Variants in INPP5F observed in about 807,000 individuals in gnomAD.
INPP5F encodes the protein inositol polyphosphate-5-phosphatase F, also known as phosphatidylinositide 4-phosphatase SAC2.
In INPP5F, 97 loss-of-function variants were observed where a neutral mutation model predicts 137.2. That is an observed-to-expected ratio of 0.71 (90% CI 0.60 to 0.84). INPP5F has a LOEUF of 0.84. Among genes scored for constraint, INPP5F ranks in the 40% least tolerant of loss-of-function variants. The pLI, the probability that INPP5F is intolerant of heterozygous loss-of-function variation, is 0.00. For synonymous variants in INPP5F, 504 were observed against 476.9 expected, an observed-to-expected ratio of 1.06 and a Z score of -0.74; for missense variants, 1,271 against 1,371.9, an observed-to-expected ratio of 0.93 and a Z score of 1.16.
chr10:119,780,383 G>A (rs1261661245), intron 2 of INPP5F, among the ~76,000 whole-genome samples: 4 of 151,954 alleles, frequency 2.6e-5, no homozygotes, highest in Admixed American at 6.6e-5. Flanking sequence ...GAGACCAGCT[G>A]GGGCAACATG....
At chr10:119,806,274 T>G in intron 11 of INPP5F, 86 bp from the exon 12 acceptor site, 1 of 970,684 alleles carries the variant, frequency 1.0e-6, no homozygotes. Context: ...AGTGCTGCTG[T>G]TTTATTGATA....
chr10:119,740,544 CT>C (rs1564801507), intron 1 of INPP5F, among the ~76,000 whole-genome samples: 1 of 152,048 alleles, frequency 6.6e-6, no homozygotes, highest in Non-Finnish European at 1.5e-5. Flanking sequence ...TTCTTTCATA[CT>C]TTTTTCTTTT....
intron 1 of INPP5F, among the ~76,000 whole-genome samples, chr10:119,729,798 T>C (rs1554882468): frequency 6.6e-6 from 1 of 150,862 alleles, no homozygotes; most frequent in Non-Finnish European, 1.5e-5. Flanking sequence ...TGGCTCAGGC[T>C]GATCTTGGCC....
At chr10:119,770,756 A>G (rs1422828392) in intron 2 of INPP5F, among the ~76,000 whole-genome samples, 2 of 152,190 alleles carry the variant, frequency 1.3e-5, no homozygotes, top group African/African-American at 2.4e-5. Flanking sequence ...CTTGAACACT[A>G]TTCCAGACAC....
chr10:119,776,664 GTGTGTGTGTGTGTATGTGTGTT>G (rs1333287501), intron 2 of INPP5F, among the ~76,000 whole-genome samples: 1 of 150,704 alleles, frequency 6.6e-6, no homozygotes, highest in Non-Finnish European at 1.5e-5. Flanking sequence ...GCCTTCCTCT[GTGTGTGTGTGTGTATGTGTGTT>G]TGTGTGTGTG....
chr10:119,819,508 G>T (rs1256200435), intron 15 of INPP5F: 1 of 1,604,214 alleles, frequency 6.2e-7, no homozygotes, highest in Non-Finnish European at 8.5e-7. Context: ...AATTTTTATG[G>T]CTTGGCTCAA....
intron 2 of INPP5F, among the ~76,000 whole-genome samples, chr10:119,763,956 C>T (rs1363319436): frequency 2.0e-5 from 3 of 152,210 alleles, no homozygotes; most frequent in East Asian, 1.9e-4. Flanking sequence ...GGATCATCTC[C>T]ATATTGTCCA....
At chr10:119,733,780 TG>T (rs1848151368) in intron 1 of INPP5F, among the ~76,000 whole-genome samples, 5 of 152,296 alleles carry the variant, frequency 3.3e-5, no homozygotes, top group Admixed American at 3.3e-4. Context: ...GCTTGGTCTA[TG>T]GGGAACCTGG....
intron 15 of INPP5F, among the ~76,000 whole-genome samples, chr10:119,812,291 G>T (rs563438270): frequency 6.6e-6 from 1 of 152,230 alleles, no homozygotes; most frequent in Non-Finnish European, 1.5e-5. Flanking sequence ...ATAAGTGAGT[G>T]CAACAAGAGG....
At chr10:119,816,097 G>C (rs1297326683) in intron 15 of INPP5F, 1 of 152,252 alleles carries the variant, frequency 6.6e-6, no homozygotes, top group African/African-American at 2.4e-5. Flanking sequence ...CAGGAGTCTT[G>C]GTATTTTTCT....
At chr10:119,793,628 C>T (rs1239703464) in intron 6 of INPP5F, 2 of 152,166 alleles carry the variant, frequency 1.3e-5, no homozygotes, top group South Asian at 4.1e-4. Flanking sequence ...CTGAAAGAGA[C>T]AGAAGAAGAA....
intron 6 of INPP5F, among the ~76,000 whole-genome samples, chr10:119,794,690 C>G (rs1167230975): frequency 4.2e-5 from 6 of 141,258 alleles, no homozygotes; most frequent in African/African-American, 1.3e-4. Flanking sequence ...GCTGGCCAGG[C>G]GGGGGGCTGA....
At chr10:119,785,302 T>TTTTTTTTTTTTTTTTG (rs1554889600) in intron 3 of INPP5F, among the ~76,000 whole-genome samples, 1 of 147,732 alleles carries the variant, frequency 6.8e-6, no homozygotes, top group African/African-American at 2.5e-5. Context: ...TTTTTTTTTT[T>TTTTTTTTTTTTTTTTG]GGAGACGGAG....
At chr10:119,824,323 G>A (rs4752344) in intron 19 of INPP5F, among the ~76,000 whole-genome samples, 76,216 of 152,008 alleles carry the variant, frequency 0.5, 19,366 homozygotes, top group South Asian at 0.71. Context: ...AGTTGTCTCT[G>A]TAGTTTAATG....
At chr10:119,782,957 ATGT>A (rs750719750) in intron 3 of INPP5F, among the ~76,000 whole-genome samples, 1 of 152,220 alleles carries the variant, frequency 6.6e-6, no homozygotes, top group Non-Finnish European at 1.5e-5. Context: ...TATGCTTCAA[ATGT>A]CACTGGAAGT....
intron 2 of INPP5F, among the ~76,000 whole-genome samples, chr10:119,773,021 T>A (rs1849414251): frequency 6.6e-6 from 1 of 152,118 alleles, no homozygotes. Flanking sequence ...GTGCTGAGAT[T>A]ACAGGTGTGA....
chr10:119,752,939 T>C (rs1351120727), intron 2 of INPP5F, among the ~76,000 whole-genome samples: 1 of 150,914 alleles, frequency 6.6e-6, no homozygotes, highest in African/African-American at 2.4e-5. Flanking sequence ...GAGTTGTTTC[T>C]TTTTTTTTCT....
At chr10:119,752,171 GGTT>G (rs1187963635) in intron 2 of INPP5F, among the ~76,000 whole-genome samples, 1 of 152,118 alleles carries the variant, frequency 6.6e-6, no homozygotes, top group African/African-American at 2.4e-5. Flanking sequence ...TAGATTCTTT[GGTT>G]GTTTTTAGAA....
chr10:119,808,518 T>C (rs1049086592), intron 13 of INPP5F, among the ~76,000 whole-genome samples: 1 of 152,220 alleles, frequency 6.6e-6, no homozygotes, highest in African/African-American at 2.4e-5. Flanking sequence ...ACAGGAATTA[T>C]ACTAGACCTA....
Sources: gnomAD v4.1 joint callset for allele counts (sites outside exome capture counted in the v4.1 genomes callset) on GRCh38, gnomAD v4.1.1 for gene constraint, MANE v1.5 for transcripts, NCBI Gene and HGNC (gene_info 2026-07-23, HGNC 2026-07-21) for gene names.